Variants in ZNF138 observed in about 807,000 individuals in gnomAD.
ZNF138 encodes the protein zinc finger protein 138 (clone pHZ-32).
A neutral mutation model predicts 33.0 loss-of-function variants in ZNF138; 33 were observed. That is an observed-to-expected ratio of 1.00 (90% CI 0.76 to 1.34). ZNF138 has a LOEUF of 1.34. Among genes scored for constraint, ZNF138 ranks in the 40% most tolerant of loss-of-function variants. ZNF138 has a pLI of 0.00. For synonymous variants in ZNF138, 139 were observed against 120.4 expected (o/e 1.15, Z -1.01); for missense variants, 360 against 370.8 (o/e 0.97, Z 0.24).
At chr7:64,814,835 AT>A in intron 1 of ZNF138, 82 bp from the exon 2 acceptor site, 1 of 1,565,068 alleles carries the variant, frequency 6.4e-7, no homozygotes, top group Non-Finnish European at 8.7e-7. Flanking sequence ...TTACTGTCTT[AT>A]TTTACCTTGA....
At chr7:64,854,162 G>A in the ZNF138 span, among the ~76,000 whole-genome samples, 3 of 152,124 alleles carry the variant, frequency 2.0e-5, no homozygotes, top group South Asian at 2.1e-4. Context: ...GAATAAATAA[G>A]CCAGAAAACT....
chr7:64,826,514 C>G (rs112154857), intron 3 of ZNF138, among the ~76,000 whole-genome samples: 3 of 151,964 alleles, frequency 2.0e-5, no homozygotes. Flanking sequence ...CTCCTGACCT[C>G]AGGTGATCTG....
chr7:64,816,733 A>G (rs986056210), intron 3 of ZNF138, among the ~76,000 whole-genome samples: 4 of 152,214 alleles, frequency 2.6e-5, no homozygotes, highest in South Asian at 2.1e-4. Context: ...AGTATTGACA[A>G]TGACACAATA....
rs146070077 is a variant in ZNF138, at chr7:64,804,457, G to A, written c.3+9886G>A. 5.4e-4 allele frequency among the ~76,000 whole-genome samples: 82 copies of A among 152,234 alleles called. 2 individuals carry two copies. Among genetic ancestry groups the A allele is most frequent in the Non-Finnish European group, 1.1e-3 (78 of 68,018 alleles). ...TCAGTTGTTTGGAGTTGTGAGTCTT[G>A]CTGAAGCTCCCGGCTGAATAAAGCC... On this transcript the variant is annotated intron_variant, in intron 1 of 3. Coordinates refer to ENST00000307355, the MANE Select transcript of ZNF138 (RefSeq NM_001271639.2).
At chr7:64,806,133 C>A (rs1005236953) in intron 1 of ZNF138, among the ~76,000 whole-genome samples, 1 of 152,192 alleles carries the variant, frequency 6.6e-6, no homozygotes, top group African/African-American at 2.4e-5. Flanking sequence ...ATAATATAAA[C>A]ATACAGGGTG....
intron 1 of ZNF138, 110 bp downstream of exon 1, chr7:64,794,681 G>A (rs1786545179): frequency 1.3e-6 from 2 of 1,522,566 alleles, no homozygotes; most frequent in Non-Finnish European, 1.8e-6. Flanking sequence ...TGCAAAATCC[G>A]CGGCCCCGAG....
chr7:64,839,070 C>T, the ZNF138 span, among the ~76,000 whole-genome samples: 2 of 152,122 alleles, frequency 1.3e-5, no homozygotes, highest in Admixed American at 6.5e-5. Context: ...AGCGGTCTGA[C>T]GAGAGCGGAG....
the ZNF138 span, among the ~76,000 whole-genome samples, chr7:64,858,643 C>G: frequency 6.6e-6 from 1 of 152,146 alleles, no homozygotes; most frequent in African/African-American, 2.4e-5. Flanking sequence ...TGGCCAAAAT[C>G]TTTTTCACCC....
intron 1 of ZNF138, 46 bp downstream of exon 1, chr7:64,794,617 G>A (rs1242508982): frequency 7.4e-6 from 12 of 1,612,554 alleles, no homozygotes; most frequent in African/African-American, 1.3e-5. Flanking sequence ...GAGGGAGCTG[G>A]TTGGAACCGG....
chr7:64,842,589 A>C, the ZNF138 span, among the ~76,000 whole-genome samples: 1 of 152,162 alleles, frequency 6.6e-6, no homozygotes, highest in Non-Finnish European at 1.5e-5. Context: ...AAAATTCTGG[A>C]GATGATGGCA....
intron 1 of ZNF138, among the ~76,000 whole-genome samples, chr7:64,807,921 G>A (rs986752507): frequency 6.6e-6 from 1 of 152,214 alleles, no homozygotes; most frequent in Non-Finnish European, 1.5e-5. Flanking sequence ...CCCATAAAAT[G>A]TGATACTGGA....
At chr7:64,807,136 A>G (rs933189810) in intron 1 of ZNF138, among the ~76,000 whole-genome samples, 15 of 152,236 alleles carry the variant, frequency 9.9e-5, no homozygotes, top group East Asian at 1.9e-4. Flanking sequence ...TCTGATATCT[A>G]TAGAAACAAT....
chr7:64,846,148 T>A, the ZNF138 span, among the ~76,000 whole-genome samples: 1 of 152,200 alleles, frequency 6.6e-6, no homozygotes, highest in East Asian at 1.9e-4. Flanking sequence ...GGTACCATGC[T>A]TTTTTGGTGA....
intron 1 of ZNF138, among the ~76,000 whole-genome samples, 193 bp downstream of exon 1, chr7:64,794,764 G>A (rs1467679249): frequency 1.3e-5 from 2 of 152,146 alleles, no homozygotes; most frequent in Non-Finnish European, 2.9e-5. Context: ...GGAACCAGGC[G>A]TCCTGTCTCC....
chr7:64,843,015 C>G, the ZNF138 span, among the ~76,000 whole-genome samples: 2 of 152,198 alleles, frequency 1.3e-5, no homozygotes, highest in African/African-American at 4.8e-5. Context: ...GTGGCCACCA[C>G]TTTACTTCAA....
the ZNF138 span, among the ~76,000 whole-genome samples, chr7:64,858,886 A>G: frequency 6.6e-6 from 1 of 152,040 alleles, no homozygotes; most frequent in Non-Finnish European, 1.5e-5. Context: ...TATTCATTCA[A>G]CTGTTGATGA....
chr7:64,848,336 A>G, the ZNF138 span, among the ~76,000 whole-genome samples: 48 of 151,868 alleles, frequency 3.2e-4, no homozygotes, highest in African/African-American at 1.1e-3. Context: ...AGCTTTGTTC[A>G]TTTTTTCTCA....
At chr7:64,798,297 G>A (rs955190987) in intron 1 of ZNF138, among the ~76,000 whole-genome samples, 1 of 152,214 alleles carries the variant, frequency 6.6e-6, no homozygotes, top group African/African-American at 2.4e-5. Context: ...GTTTTTAGGA[G>A]AAACATAAAA....
chr7:64,829,363 T>A (rs938215336), intron 3 of ZNF138, among the ~76,000 whole-genome samples: 1 of 151,556 alleles, frequency 6.6e-6, no homozygotes, highest in Non-Finnish European at 1.5e-5. Context: ...CTTTACATAT[T>A]TGGAAACTTA....
Sources: allele counts gnomAD v4.1 joint callset (sites outside exome capture counted in the v4.1 genomes callset), GRCh38; gene constraint gnomAD v4.1.1; transcripts MANE v1.5; gene names NCBI Gene and HGNC (gene_info 2026-07-23, HGNC 2026-07-21).